The following SH2D4A variants were observed in gnomAD, a reference collection of about 807,000 sequenced individuals.
The protein encoded by SH2D4A is SH2 domain-containing protein 4A.
In SH2D4A, 70 loss-of-function variants were observed where a neutral mutation model predicts 64.7. The observed-to-expected ratio is 1.08, with a 90% confidence interval of 0.89 to 1.32. The LOEUF is 1.32. Ranked by LOEUF, SH2D4A falls within the 40% of genes most tolerant of loss-of-function variation. SH2D4A has a pLI of 0.00. For synonymous variants in SH2D4A, 268 were observed against 200.7 expected (o/e 1.34, Z -2.83); for missense variants, 706 against 540.1 (o/e 1.31, Z -3.04).
chr8:19,358,292 G>A (rs1041612019), intron 5 of SH2D4A, among the ~76,000 whole-genome samples: 1 of 152,126 alleles, frequency 6.6e-6, no homozygotes, highest in African/African-American at 2.4e-5. Flanking sequence ...CACATTTTAT[G>A]AAAAAATCAG....
intron 4 of SH2D4A, among the ~76,000 whole-genome samples, chr8:19,335,870 C>CTGTATTATGAAGT (rs138889441): frequency 0.15 from 23,422 of 152,130 alleles, 2,112 homozygotes; most frequent in African/African-American, 0.25. Flanking sequence ...AACAATGAAA[C>CTGTATTATGAAGT]ACCTTATTAT....
Position 19,313,814 on chromosome 8 carries a change from C to A in SH2D4A, c.-214C>A. 6.6e-7 allele frequency: 1 copy of A among 1,504,814 alleles called. No homozygotes were observed. Among genetic ancestry groups the A allele is most frequent in the Non-Finnish European group, 8.8e-7 (1 of 1,132,426 alleles). The allele number at this position is 1,504,814 out of a possible 1,614,324, so 93.2% of individuals were successfully genotyped here. A position where few individuals can be genotyped will look rare whatever the true frequency, so the allele number is the denominator to read the frequency against. On this transcript the variant is annotated 5_prime_UTR_variant, in exon 1 of 10. Transcript: ENST00000265807. The stretch of plus-strand genomic sequence containing the variant: ...GATCGAGCCACCCTGCCCAGGGGCG[C>A]CCAGCACTGGTAGGTGCTGGGGGTG...
intron 4 of SH2D4A, among the ~76,000 whole-genome samples, chr8:19,347,266 G>C (rs942599551): frequency 1.3e-5 from 2 of 152,336 alleles, no homozygotes; most frequent in East Asian, 3.9e-4. Context: ...CGCACGTTCA[G>C]AGCAGATGCC....
intron 7 of SH2D4A, 62 bp from the exon 8 acceptor site, chr8:19,373,468 C>T (rs1359349907): frequency 7.3e-6 from 8 of 1,090,008 alleles, no homozygotes; most frequent in African/African-American, 2.1e-5. Context: ...ATATATATGA[C>T]TTTTGAGGGC....
In SH2D4A at chr8:19,329,031, G is replaced by A. The variant is rs147126102; in HGVS notation, c.182-3924G>A. 7.5e-3 allele frequency among the ~76,000 whole-genome samples: 1,136 copies of A among 152,268 alleles called. 12 individuals are homozygous for A. Among genetic ancestry groups the A allele is most frequent in the Admixed American group, 0.03 (459 of 15,298 alleles). On this transcript the variant is annotated intron_variant, in intron 2 of 9. Transcript: ENST00000265807. ...GTGATGGTCAGCCTATGCCACACAC[G>A]TGCAGGTGACTTCTGGTGCCCCTCT...
At chr8:19,378,149 A>G (rs945235365) in intron 8 of SH2D4A, among the ~76,000 whole-genome samples, 2 of 152,098 alleles carry the variant, frequency 1.3e-5, no homozygotes, top group Non-Finnish European at 2.9e-5. Context: ...ATATTGACCT[A>G]TAGGATTTTA....
At chr8:19,359,339 A>C (rs73601125) in intron 5 of SH2D4A, among the ~76,000 whole-genome samples, 2,587 of 152,278 alleles carry the variant, frequency 0.017, 71 homozygotes, top group African/African-American at 0.058. Flanking sequence ...CAAGTACTAC[A>C]TCTGTTATTA....
chr8:19,375,323 C>A (rs2053174363), intron 8 of SH2D4A: 1 of 152,162 alleles, frequency 6.6e-6, no homozygotes, highest in Admixed American at 6.5e-5. Context: ...CACATCTTAT[C>A]TCTTTGAAAT....
chr8:19,373,325 C>G (rs999291679), intron 7 of SH2D4A, among the ~76,000 whole-genome samples: 1 of 144,758 alleles, frequency 6.9e-6, no homozygotes, highest in Non-Finnish European at 1.5e-5. Flanking sequence ...TCTCTCTCCC[C>G]CCACCCCCAC....
At chr8:19,378,627 G>A (rs1388060843) in intron 8 of SH2D4A, among the ~76,000 whole-genome samples, 4 of 152,032 alleles carry the variant, frequency 2.6e-5, no homozygotes, top group Non-Finnish European at 5.9e-5. Context: ...GTAGAGATGG[G>A]GTTTCATCAT....
In SH2D4A at chr8:19,325,923, C is replaced by T. The variant is rs557842615; in HGVS notation, c.181+6195C>T. 5.3e-5 allele frequency among the ~76,000 whole-genome samples: 8 copies of T among 152,290 alleles called. 1 individual carries two copies. Among genetic ancestry groups the T allele is most frequent in the South Asian group, 4.1e-4 (2 of 4,826 alleles). ...AAAATGAATACGGGGCTAGACCTAGCGTTTTCATCACCCTGCCGCTCTGTG... is the reference window on the plus strand; with the variant it reads ...AAAATGAATACGGGGCTAGACCTAGTGTTTTCATCACCCTGCCGCTCTGTG... On this transcript the variant is annotated intron_variant, in intron 2 of 9. Coordinates refer to ENST00000265807, the MANE Select transcript of SH2D4A (RefSeq NM_022071.4).
intron 7 of SH2D4A, among the ~76,000 whole-genome samples, chr8:19,367,930 A>C (rs1037739658): frequency 6.6e-6 from 1 of 152,134 alleles, no homozygotes; most frequent in South Asian, 2.1e-4. Context: ...ATTAAAAATA[A>C]AAATCCTTGC....
intron 1 of SH2D4A, among the ~76,000 whole-genome samples, chr8:19,315,214 T>G (rs773487293): frequency 6.6e-6 from 1 of 152,152 alleles, no homozygotes; most frequent in Non-Finnish European, 1.5e-5. Context: ...CGGCTCACTG[T>G]AGCCTCAAAC....
chr8:19,390,154 G>A (rs774912083), intron 8 of SH2D4A, among the ~76,000 whole-genome samples: 13 of 152,150 alleles, frequency 8.5e-5, no homozygotes, highest in Non-Finnish European at 1.8e-4. Flanking sequence ...GCCGAGGTGG[G>A]CAGATCATTT....
intron 3 of SH2D4A, among the ~76,000 whole-genome samples, chr8:19,334,074 G>A (rs987614449): frequency 2.6e-5 from 4 of 152,144 alleles, no homozygotes; most frequent in African/African-American, 4.8e-5. Context: ...AGGTGATGGC[G>A]CTCCTCTGCT....
At chr8:19,332,070 C>T (rs935710443) in intron 2 of SH2D4A, among the ~76,000 whole-genome samples, 3 of 151,856 alleles carry the variant, frequency 2.0e-5, no homozygotes. Context: ...TGCACTCCAG[C>T]CTGAGTGACA....
chr8:19,316,993 G>A (rs1391370765), intron 1 of SH2D4A, among the ~76,000 whole-genome samples: 1 of 152,172 alleles, frequency 6.6e-6, no homozygotes, highest in African/African-American at 2.4e-5. Context: ...GGAGACTGGA[G>A]GAATATGACT....
At chr8:19,313,959 C>T (rs2052039776) in intron 1 of SH2D4A, 136 bp downstream of exon 1, 1 of 1,264,138 alleles carries the variant, frequency 7.9e-7, no homozygotes, top group Non-Finnish European at 9.9e-7. Flanking sequence ...AGCCTCACCC[C>T]CGCCTCCACC....
At chr8:19,390,753 A>ATGAT (rs1402794094) in intron 8 of SH2D4A, among the ~76,000 whole-genome samples, 2 of 152,114 alleles carry the variant, frequency 1.3e-5, no homozygotes, top group African/African-American at 4.8e-5. Context: ...TGCCATCAAC[A>ATGAT]TGATTGATTG....
Sources: gnomAD v4.1 joint callset for allele counts (sites outside exome capture counted in the v4.1 genomes callset) on GRCh38, gnomAD v4.1.1 for gene constraint, MANE v1.5 for transcripts, NCBI Gene and HGNC (gene_info 2026-07-23, HGNC 2026-07-21) for gene names.